DYSF: variants seen among roughly 807,000 people sequenced by gnomAD.
DYSF encodes dystrophy-associated fer-1-like 1.
DYSF carries 212 observed loss-of-function variants against 274.9 expected under a neutral mutation model. The observed-to-expected ratio is 0.77, with a 90% CI of 0.69 to 0.86. The LOEUF is 0.86. Among genes scored for constraint, DYSF ranks in the 40% least tolerant of loss-of-function variants. The pLI, the probability that DYSF is intolerant of heterozygous loss-of-function variation, is 0.00. For missense variants in DYSF, 2,666 were observed against 2,783.2 expected (o/e 0.96, Z 0.95); for synonymous variants, 1,091 against 1,078.7 (o/e 1.01, Z -0.22).
chr2:71,489,646 C>A (rs74898885), intron 3 of DYSF, among the ~76,000 whole-genome samples: 13,780 of 152,150 alleles, frequency 0.091, 1,754 homozygotes, highest in African/African-American at 0.29. Context: ...GCATGGGAGA[C>A]GACAGAGGCG....
At chr2:71,484,244 G>C (rs546343910) in intron 3 of DYSF, among the ~76,000 whole-genome samples, 7 of 151,742 alleles carry the variant, frequency 4.6e-5, no homozygotes, top group Non-Finnish European at 2.9e-5. Flanking sequence ...GTAGAGACAG[G>C]GTTCCTCCAT....
chr2:71,618,901 A>ACTCCCAGG (rs199993158), intron 40 of DYSF, among the ~76,000 whole-genome samples: 1,721 of 150,800 alleles, frequency 0.011, 22 homozygotes, highest in African/African-American at 0.029. Context: ...CGGCTCTGGG[A>ACTCCCAGG]CTCCCAGGCT....
At chr2:71,627,877 T>C (rs1163943744) in intron 41 of DYSF, among the ~76,000 whole-genome samples, 2 of 152,170 alleles carry the variant, frequency 1.3e-5, no homozygotes, top group African/African-American at 4.8e-5. Context: ...AAAGTCTGTT[T>C]TGTTCATGTT....
chr2:71,516,213 GA>G lies in DYSF; in HGVS notation c.923del (p.Glu308GlyfsTer12), dbSNP rs2086635842. 9 of 1,614,084 alleles carry G rather than the reference GA, an allele frequency of 5.6e-6. No homozygotes were observed. The highest frequency in any genetic ancestry group is 6.8e-6 in the Non-Finnish European group (8 of 1,180,054). On this transcript the variant is annotated frameshift_variant, in exon 9 of 56. Coordinates refer to ENST00000410020, the MANE Select transcript of DYSF (RefSeq NM_001130987.2). LOFTEE classifies it high-confidence loss of function. ...LFFNLFDSPG[E>X]LFDEPIFITV... ...CTTCAACTTGTTTGACTCTCCTGGGGAGCTGTTTGATGAGCCCATCTTTATC... is the reference window on the plus strand; with the variant it reads ...CTTCAACTTGTTTGACTCTCCTGGGGGCTGTTTGATGAGCCCATCTTTATC...
chr2:71,586,917 C>A (rs1371713720), intron 30 of DYSF, among the ~76,000 whole-genome samples: 1 of 152,168 alleles, frequency 6.6e-6, no homozygotes, highest in African/African-American at 2.4e-5. Context: ...ATCCCACCTG[C>A]CTGCAGCTGA....
intron 42 of DYSF, among the ~76,000 whole-genome samples, chr2:71,652,496 G>A (rs2094683581): frequency 6.6e-6 from 1 of 152,050 alleles, no homozygotes; most frequent in African/African-American, 2.4e-5. Flanking sequence ...GCTTCATGAG[G>A]AATAAACTCA....
In DYSF at chr2:71,658,961, A is replaced by C. The variant is rs2094828104; in HGVS notation, c.4839A>C (p.Gly1613=). The C allele has an allele frequency of 3.1e-6, 5 of 1,613,960 alleles. No individual in the cohort carries two copies. Among genetic ancestry groups the C allele is most frequent in the Non-Finnish European group, 3.4e-6 (4 of 1,179,978 alleles). ...AGTTCCACCAGCTGGCCGCCCAGGGACCCCAGGAGTGCTTGGTCCGTATCT... is the reference window on the plus strand; with the variant it reads ...AGTTCCACCAGCTGGCCGCCCAGGGCCCCCAGGAGTGCTTGGTCCGTATCT... ...PRQFHQLAAQ[G]PQECLVRIYI... The change falls in exon 44 of 56, where the codon GGA becomes GGC. Residue 1613 remains glycine, a synonymous_variant. Transcript: ENST00000410020.
intron 1 of DYSF, among the ~76,000 whole-genome samples, chr2:71,475,208 C>T (rs569352797): frequency 2.6e-5 from 4 of 152,208 alleles, no homozygotes; most frequent in Non-Finnish European, 4.4e-5. Flanking sequence ...TTCCTCCCTC[C>T]GCTGACAAAC....
At chr2:71,562,626 C>A (rs1410570989) in intron 23 of DYSF, among the ~76,000 whole-genome samples, 1 of 152,206 alleles carries the variant, frequency 6.6e-6, no homozygotes, top group South Asian at 2.1e-4. Flanking sequence ...GCTGCCTGCT[C>A]TGACCAGAGC....
At chr2:71,651,035 T>C (rs373472184) in intron 42 of DYSF, among the ~76,000 whole-genome samples, 1 of 152,120 alleles carries the variant, frequency 6.6e-6, no homozygotes, top group East Asian at 1.9e-4. Context: ...AATGAGGCAA[T>C]GCCAAGACAT....
intron 38 of DYSF, among the ~76,000 whole-genome samples, 156 bp from the exon 39 acceptor site, chr2:71,612,485 G>A (rs1339908456): frequency 6.6e-6 from 1 of 152,212 alleles, no homozygotes; most frequent in Admixed American, 6.5e-5. Context: ...AAGGTGTGTG[G>A]CTTCGCTCGA....
intron 1 of DYSF, among the ~76,000 whole-genome samples, chr2:71,467,608 C>T (rs2081628238): frequency 6.6e-6 from 1 of 152,152 alleles, no homozygotes. Flanking sequence ...AACCCCCTCC[C>T]CCAACCCCTC....
intron 22 of DYSF, among the ~76,000 whole-genome samples, chr2:71,559,561 C>G (rs1021547267): frequency 6.6e-6 from 1 of 152,250 alleles, no homozygotes; most frequent in Non-Finnish European, 1.5e-5. Flanking sequence ...GGAGCCCTAA[C>G]GCTTCTGAAG....
At chr2:71,486,246 C>T (rs138078700) in intron 3 of DYSF, among the ~76,000 whole-genome samples, 1 of 152,224 alleles carries the variant, frequency 6.6e-6, no homozygotes, top group Non-Finnish European at 1.5e-5. Context: ...CCCTCTGCAT[C>T]TGTTAACCCT....
At chr2:71,682,490 G>A (rs373888608) in intron 54 of DYSF, 40 bp from the exon 55 acceptor site, 26 of 1,613,920 alleles carry the variant, frequency 1.6e-5, no homozygotes, top group Non-Finnish European at 2.2e-5. Flanking sequence ...AGCAGCCCTA[G>A]TAAAGGATGC....
intron 4 of DYSF, among the ~76,000 whole-genome samples, chr2:71,506,474 C>A (rs910050390): frequency 2.0e-5 from 3 of 149,172 alleles, no homozygotes; most frequent in African/African-American, 7.6e-5. Context: ...GCGTGGAGAA[C>A]CCTGGAGTGC....
intron 41 of DYSF, among the ~76,000 whole-genome samples, chr2:71,640,412 T>C (rs1270673815): frequency 6.6e-6 from 1 of 152,150 alleles, no homozygotes; most frequent in Non-Finnish European, 1.5e-5. Flanking sequence ...GGCTGGCAAA[T>C]TTTTTTTAAA....
intron 31 of DYSF, 54 bp downstream of exon 31, chr2:71,589,740 T>C (rs1296324340): frequency 6.7e-7 from 1 of 1,496,552 alleles, no homozygotes; most frequent in African/African-American, 1.4e-5. Context: ...CACCTTATGC[T>C]TCTGTTTGGA....
chr2:71,619,699 C>T lies in DYSF; in HGVS notation c.4465-848C>T, dbSNP rs12471779. On this transcript the variant is annotated intron_variant, in intron 40 of 55. Coordinates refer to ENST00000410020, the MANE Select transcript of DYSF (RefSeq NM_001130987.2). ...TCGAACGGGCTGTGCTTCTTTCTTC[C>T]CCTCTACCTTTGCGCTTGCGATTCC... Among the ~76,000 whole-genome samples the T allele has an allele frequency of 9.9e-3, 1,502 of 152,258 alleles. 71 individuals are homozygous for T. The highest frequency in any genetic ancestry group is 0.077 in the Admixed American group (1,184 of 15,306).
Sources: allele counts gnomAD v4.1 joint callset (sites outside exome capture counted in the v4.1 genomes callset), GRCh38; gene constraint gnomAD v4.1.1; transcripts MANE v1.5; gene names NCBI Gene and HGNC (gene_info 2026-07-23, HGNC 2026-07-21).